Variants in COLEC10 observed in about 807,000 individuals in gnomAD.
COLEC10 encodes collectin-10.
A neutral mutation model predicts 28.4 loss-of-function variants in COLEC10; 22 were observed. The ratio of observed to expected loss-of-function variants is 0.78; its 90% CI spans 0.55 to 1.11. The LOEUF (loss-of-function observed/expected upper bound fraction) is 1.11. Ranked by LOEUF, COLEC10 falls within the 50% of genes least tolerant of loss-of-function variation. The pLI, the probability that COLEC10 is intolerant of heterozygous loss-of-function variation, is 0.00. For missense variants in COLEC10, 361 were observed against 344.1 expected, an observed-to-expected ratio of 1.05 and a Z score of -0.39; for synonymous variants, 125 against 116.1, an observed-to-expected ratio of 1.08 and a Z score of -0.49.
At chr8:119,096,426 TACTAAAA>T (rs1815718626) in intron 3 of COLEC10, among the ~76,000 whole-genome samples, 1 of 152,000 alleles carries the variant, frequency 6.6e-6, no homozygotes, top group Admixed American at 6.6e-5. Context: ...ACCCCATCTC[TACTAAAA>T]ATGCAAAATT....
intron 2 of COLEC10, among the ~76,000 whole-genome samples, chr8:119,061,822 AG>A (rs1261114116): frequency 1.3e-5 from 2 of 152,164 alleles, no homozygotes; most frequent in African/African-American, 4.8e-5. Context: ...AAAATAGTCA[AG>A]TTAACTCTTA....
At chr8:118,955,751 C>A in the COLEC10 span, among the ~76,000 whole-genome samples, 1 of 152,086 alleles carries the variant, frequency 6.6e-6, no homozygotes, top group Non-Finnish European at 1.5e-5. Context: ...TGGGAGGAAG[C>A]AAGGTGGGAT....
At chr8:119,012,186 G>A (rs1813910475) in intron 2 of COLEC10, among the ~76,000 whole-genome samples, 1 of 150,512 alleles carries the variant, frequency 6.6e-6, no homozygotes, top group South Asian at 2.1e-4. Context: ...AACGGGTGCT[G>A]GATTTTGTCA....
intron 4 of COLEC10, among the ~76,000 whole-genome samples, chr8:119,103,126 T>A (rs1815872620): frequency 6.6e-6 from 1 of 152,196 alleles, no homozygotes; most frequent in African/African-American, 2.4e-5. Flanking sequence ...GAATTTTACA[T>A]CGGTTTCCTT....
chr8:119,020,810 G>A (rs77601444), intron 2 of COLEC10, among the ~76,000 whole-genome samples: 4,526 of 152,180 alleles, frequency 0.03, 96 homozygotes, highest in Non-Finnish European at 0.046. Flanking sequence ...TTTACAACAT[G>A]CCTAGTTCTT....
intron 2 of COLEC10, among the ~76,000 whole-genome samples, chr8:119,026,070 T>G (rs994056369): frequency 2.0e-4 from 30 of 152,218 alleles, no homozygotes; most frequent in African/African-American, 7.2e-4. Flanking sequence ...TCCCTTGACT[T>G]TCACAGTAAC....
intron 2 of COLEC10, among the ~76,000 whole-genome samples, chr8:119,033,876 C>T (rs1274788563): frequency 6.6e-6 from 1 of 152,176 alleles, no homozygotes; most frequent in African/African-American, 2.4e-5. Context: ...TCTGACCCAG[C>T]AATCCTATTA....
the COLEC10 span, among the ~76,000 whole-genome samples, chr8:118,973,381 A>G: frequency 6.6e-6 from 1 of 151,920 alleles, no homozygotes; most frequent in Admixed American, 6.6e-5. Context: ...ATCTGAAGGC[A>G]TGACTGGGGA....
the COLEC10 span, among the ~76,000 whole-genome samples, chr8:118,973,696 A>G: frequency 1.1e-4 from 16 of 152,006 alleles, no homozygotes; most frequent in African/African-American, 3.6e-4. Flanking sequence ...GGCATTAAAC[A>G]AGAGCATGAG....
Position 119,082,239 on chromosome 8 carries a change from A to ATG in COLEC10, c.149-7441_149-7440insTG, listed in dbSNP as rs1563737966. 3.6e-3 allele frequency among the ~76,000 whole-genome samples: 540 copies of ATG among 152,060 alleles called. 4 individuals carry two copies. Among genetic ancestry groups the ATG allele is most frequent in the African/African-American group, 0.013 (524 of 41,494 alleles). Reference sequence around the variant, plus strand: ...AGAGGCAGTGGTGTGTGTATTTGCCACCTGGGCTGCCTTATGAGATTATTG... The same window carrying ATG: ...AGAGGCAGTGGTGTGTGTATTTGCCATGCCTGGGCTGCCTTATGAGATTATTG... On this transcript the variant is annotated intron_variant, in intron 1 of 5. Transcript: ENST00000332843.
intron 4 of COLEC10, among the ~76,000 whole-genome samples, chr8:119,102,914 A>G (rs1456608573): frequency 6.6e-6 from 1 of 152,124 alleles, no homozygotes; most frequent in Admixed American, 6.6e-5. Flanking sequence ...GGTAATTTCA[A>G]TTGTTTCTAT....
At chr8:118,995,075 A>G (rs1320504034), upstream of COLEC10, among the ~76,000 whole-genome samples, 1 of 152,198 alleles carries the variant, frequency 6.6e-6, no homozygotes, top group East Asian at 1.9e-4. Flanking sequence ...AGGTCACTTG[A>G]AAACCTTACC....
intron 1 of COLEC10, among the ~76,000 whole-genome samples, chr8:119,075,097 C>T (rs1815201472): frequency 6.6e-6 from 1 of 152,194 alleles, no homozygotes; most frequent in Non-Finnish European, 1.5e-5. Flanking sequence ...CTTTAAGAAA[C>T]TTTTCCTTTA....
chr8:119,087,704 C>A (rs927372909), intron 1 of COLEC10, among the ~76,000 whole-genome samples: 2 of 152,076 alleles, frequency 1.3e-5, no homozygotes, highest in Admixed American at 1.3e-4. Context: ...AAATTTGGCA[C>A]GGTGCCAAAT....
intron 1 of COLEC10, among the ~76,000 whole-genome samples, chr8:119,083,768 T>C (rs1045946163): frequency 4.6e-5 from 7 of 152,044 alleles, no homozygotes; most frequent in African/African-American, 1.4e-4. Context: ...CTTAATAAAA[T>C]TAATTAAAAT....
chr8:119,015,176 C>T (rs1184168600), intron 2 of COLEC10, among the ~76,000 whole-genome samples: 1 of 149,614 alleles, frequency 6.7e-6, no homozygotes, highest in East Asian at 2.0e-4. Context: ...AAAGAAATTG[C>T]TCTTAGTAGG....
intron 1 of COLEC10, among the ~76,000 whole-genome samples, chr8:119,078,788 T>TAC (rs1815305983): frequency 6.6e-6 from 1 of 152,162 alleles, no homozygotes; most frequent in African/African-American, 2.4e-5. Context: ...ATAATACAGT[T>TAC]ATCAAAGGTA....
rs374185300 is a variant in COLEC10, at chr8:119,054,089, C to T, written n.236-35591C>T. Among the ~76,000 whole-genome samples the T allele has an allele frequency of 4.6e-5, 7 of 152,070 alleles. No homozygotes were observed. The East Asian group carries it at 5.8e-4, about 13-fold the overall frequency. ...GCAATATTACAACAGTATCTCTCAT[C>T]TCCAAGATGACTACTAAGTGACTAA... On this transcript the variant is annotated intron_variant and non_coding_transcript_variant, in intron 2 of 6. Transcript: ENST00000521788.
At chr8:119,000,281 G>A (rs1017781157) in intron 1 of COLEC10, among the ~76,000 whole-genome samples, 6 of 152,146 alleles carry the variant, frequency 3.9e-5, no homozygotes, top group Non-Finnish European at 7.4e-5. Flanking sequence ...TCGGACATCA[G>A]AAAAAGGTGG....
Sources: gnomAD v4.1 joint callset for allele counts (sites outside exome capture counted in the v4.1 genomes callset) on GRCh38, gnomAD v4.1.1 for gene constraint, MANE v1.5 for transcripts, NCBI Gene and HGNC (gene_info 2026-07-23, HGNC 2026-07-21) for gene names.